The following MTMR3 variants were observed in gnomAD, a reference collection of about 807,000 sequenced individuals.
MTMR3 encodes the protein myotubularin related protein 3.
In MTMR3, 32 loss-of-function variants were observed where a neutral mutation model predicts 132.4. That is an observed-to-expected ratio of 0.24 (90% CI 0.18 to 0.32). The LOEUF is 0.32. MTMR3 is among the 10% of genes least tolerant of loss of function. The probability of loss-of-function intolerance (pLI) is 1.00; values close to 1 mark genes in which losing one functional copy is unlikely to be tolerated. For missense variants in MTMR3, 1,216 were observed against 1,489.6 expected (o/e 0.82, Z 3.02); for synonymous variants, 556 against 550.3 (o/e 1.01, Z -0.14).
At chr22:29,892,382 G>A (rs1197594901) in intron 1 of MTMR3, among the ~76,000 whole-genome samples, 1 of 152,154 alleles carries the variant, frequency 6.6e-6, no homozygotes, top group East Asian at 1.9e-4. Context: ...CCGTTTGGCT[G>A]TAATATGTAT....
At chr22:29,963,344 A>T (rs1370164371) in intron 2 of MTMR3, among the ~76,000 whole-genome samples, 1 of 151,404 alleles carries the variant, frequency 6.6e-6, no homozygotes, top group South Asian at 2.1e-4. Flanking sequence ...CATCTTTTCA[A>T]AGTGTTGGGA....
intron 1 of MTMR3, among the ~76,000 whole-genome samples, chr22:29,902,934 G>A (rs1568996843): frequency 6.6e-6 from 1 of 152,148 alleles, no homozygotes; most frequent in Non-Finnish European, 1.5e-5. Context: ...TTAGAAAAGA[G>A]ATTGCAGGCT....
At chr22:30,015,508 C>T (rs1248860729) in intron 14 of MTMR3, 1 of 141,628 alleles carries the variant, frequency 7.1e-6, no homozygotes, top group Admixed American at 7.0e-5. Flanking sequence ...CTCCCTCCCT[C>T]CCTCCTTCCC....
intron 1 of MTMR3, among the ~76,000 whole-genome samples, chr22:29,885,712 G>A (rs2064660997): frequency 6.6e-6 from 1 of 152,200 alleles, no homozygotes; most frequent in South Asian, 2.1e-4. Context: ...TGTGAACCAG[G>A]AAGGGTTACT....
intron 1 of MTMR3, among the ~76,000 whole-genome samples, chr22:29,946,635 A>G (rs549490983): frequency 3.3e-5 from 5 of 152,218 alleles, no homozygotes; most frequent in Admixed American, 6.5e-5. Flanking sequence ...TATTAGGGCA[A>G]TATCATTCAA....
At chr22:29,888,564 A>G (rs1252511213) in intron 1 of MTMR3, among the ~76,000 whole-genome samples, 1 of 152,174 alleles carries the variant, frequency 6.6e-6, no homozygotes, top group East Asian at 1.9e-4. Flanking sequence ...GATTTAATGA[A>G]CAAAGCACAT....
chr22:29,949,144 C>CACACA (rs1491241499), intron 1 of MTMR3, among the ~76,000 whole-genome samples: 10 of 14,098 alleles, frequency 7.1e-4, no homozygotes, highest in Admixed American at 1.3e-3. Context: ...CACACACACA[C>CACACA]CCCCCCCCCC....
intron 1 of MTMR3, among the ~76,000 whole-genome samples, chr22:29,955,798 C>G (rs1426814434): frequency 6.6e-6 from 1 of 152,114 alleles, no homozygotes; most frequent in East Asian, 1.9e-4. Flanking sequence ...GTCGCCAAGG[C>G]TGGAGCGCAG....
At chr22:29,884,520 TG>T (rs1466933492) in intron 1 of MTMR3, among the ~76,000 whole-genome samples, 1 of 150,616 alleles carries the variant, frequency 6.6e-6, no homozygotes, top group Non-Finnish European at 1.5e-5. Flanking sequence ...GCCTATGACT[TG>T]GGTAGGCTAG....
intron 3 of MTMR3, among the ~76,000 whole-genome samples, chr22:29,973,685 C>T (rs548903073): frequency 1.2e-4 from 18 of 152,220 alleles, no homozygotes; most frequent in Non-Finnish European, 2.5e-4. Flanking sequence ...CTGCAACCTC[C>T]GCCTCCTGGG....
At chr22:30,020,958 A>G in intron 17 of MTMR3, 74 bp downstream of exon 17, 2 of 1,387,018 alleles carry the variant, frequency 1.4e-6, no homozygotes, top group South Asian at 2.8e-5. Context: ...CTTTGTGCCC[A>G]GTGCATGGTG....
chr22:29,888,420 A>G (rs996646011), intron 1 of MTMR3, among the ~76,000 whole-genome samples: 22 of 152,272 alleles, frequency 1.4e-4, no homozygotes, highest in Admixed American at 1.4e-3. Flanking sequence ...TACTTGGGCA[A>G]TGTGGATAGA....
chr22:29,893,812 A>G (rs748975746), intron 1 of MTMR3, among the ~76,000 whole-genome samples: 3 of 151,984 alleles, frequency 2.0e-5, no homozygotes, highest in Non-Finnish European at 2.9e-5. Context: ...ACGAGCATGT[A>G]TTACTTTTAT....
At chr22:29,998,972 A>T (rs1021770439) in intron 8 of MTMR3, 115 bp downstream of exon 8, 5 of 621,302 alleles carry the variant, frequency 8.0e-6, no homozygotes, top group Non-Finnish European at 1.3e-5. Context: ...GGTTTTATTT[A>T]TTAAATCTAA....
chr22:29,892,801 T>C (rs185200615), intron 1 of MTMR3, among the ~76,000 whole-genome samples: 5 of 152,364 alleles, frequency 3.3e-5, no homozygotes, highest in African/African-American at 1.2e-4. Flanking sequence ...AGAAATGAGA[T>C]AATTTATATT....
intron 2 of MTMR3, 25 bp from the exon 3 acceptor site, chr22:29,970,951 T>TTCCCCTCTTCCC: frequency 1.5e-6 from 1 of 680,382 alleles, no homozygotes; most frequent in Non-Finnish European, 2.3e-6. Context: ...TTTTTCTTCT[T>TTCCCCTCTTCCC]CCCCCTCTTC....
chr22:29,888,706 A>T (rs1367894643), intron 1 of MTMR3, among the ~76,000 whole-genome samples: 1 of 151,466 alleles, frequency 6.6e-6, no homozygotes, highest in African/African-American at 2.4e-5. Context: ...ATGACAGATG[A>T]TAGCAAGCTT....
At chr22:29,932,342 A>G (rs2065662871) in intron 1 of MTMR3, among the ~76,000 whole-genome samples, 1 of 152,124 alleles carries the variant, frequency 6.6e-6, no homozygotes, top group Non-Finnish European at 1.5e-5. Context: ...TGAGATAATC[A>G]CTGTCTTGTC....
chr22:29,896,551 G>T (rs1468945371), intron 1 of MTMR3, among the ~76,000 whole-genome samples: 5 of 151,902 alleles, frequency 3.3e-5, no homozygotes, highest in African/African-American at 9.7e-5. Context: ...ACAGTTTCTG[G>T]GCCAGATGTG....
Sources: gnomAD v4.1 joint callset for allele counts (sites outside exome capture counted in the v4.1 genomes callset) on GRCh38, gnomAD v4.1.1 for gene constraint, MANE v1.5 for transcripts, NCBI Gene and HGNC (gene_info 2026-07-23, HGNC 2026-07-21) for gene names.